Variants in KMO observed in about 807,000 individuals in gnomAD.
KMO encodes kynurenine 3-monooxygenase.
KMO carries 24 observed loss-of-function variants against 57.8 expected under a neutral mutation model. The ratio of observed to expected loss-of-function variants is 0.42; its 90% CI spans 0.30 to 0.58. The LOEUF (loss-of-function observed/expected upper bound fraction) is 0.58. Ranked by LOEUF, KMO falls within the 20% of genes least tolerant of loss-of-function variation. KMO has a pLI of 0.22. For synonymous variants in KMO, 210 were observed against 193.6 expected (o/e 1.08, Z -0.70); for missense variants, 483 against 588.2 (o/e 0.82, Z 1.85).
intron 1 of KMO, among the ~76,000 whole-genome samples, chr1:241,538,632 A>G (rs954369078): frequency 2.0e-5 from 3 of 152,172 alleles, no homozygotes; most frequent in African/African-American, 2.4e-5. Flanking sequence ...CCTGGGTTTC[A>G]GTTTTCTATT....
At chr1:241,568,702 T>G (rs982430657) in intron 10 of KMO, 55 bp downstream of exon 10, 35 of 1,534,614 alleles carry the variant, frequency 2.3e-5, no homozygotes, top group Non-Finnish European at 2.6e-5. Context: ...CAGTCTCAGC[T>G]AACAAGTCTT....
chr1:241,558,504 C>T (rs765307473), intron 5 of KMO, among the ~76,000 whole-genome samples: 133 of 152,122 alleles, frequency 8.7e-4, no homozygotes, highest in Admixed American at 1.6e-3. Flanking sequence ...TTCCCTACGT[C>T]GGCATTTCAT....
Position 241,592,010 on chromosome 1 carries a change from C to A in KMO, c.1318C>A (p.Leu440Ile), listed in dbSNP as rs759601225. 2 of 1,613,994 alleles carry A rather than the reference C, an allele frequency of 1.2e-6. No homozygotes were observed. Among genetic ancestry groups the A allele is most frequent in the Non-Finnish European group, 1.7e-6 (2 of 1,179,912 alleles). ...ACTGATAGCCATCAGCAGTACCTAC[C>A]TACTTATACACTACATGTCACCACG... ...GSLIAISSTY[L>I]LIHYMSPRSF... Residue 440 changes from leucine to isoleucine, a missense_variant, in exon 15 of 15, where the codon CTA becomes ATA. By Grantham distance (5) the Leu-to-Ile change is conservative. Around this residue, in one of 3 missense-constraint regions of KMO, gnomAD observed 410 missense variants for 492.3 expected, o/e 0.83. Coordinates refer to ENST00000366559, the MANE Select transcript of KMO (RefSeq NM_003679.5).
chr1:241,558,477 C>G (rs1359494987), intron 5 of KMO, among the ~76,000 whole-genome samples: 3 of 152,150 alleles, frequency 2.0e-5, no homozygotes, highest in Non-Finnish European at 2.9e-5. Context: ...TCTCTGAAAA[C>G]ATTGTTGCTA....
At chr1:241,541,017 C>T (rs889605582) in intron 1 of KMO, among the ~76,000 whole-genome samples, 2 of 152,160 alleles carry the variant, frequency 1.3e-5, no homozygotes, top group Non-Finnish European at 2.9e-5. Flanking sequence ...ACTATGATCT[C>T]AGCCTTGCAT....
chr1:241,549,811 G>C, intron 3 of KMO, 37 bp downstream of exon 3: 1 of 1,250,166 alleles, frequency 8.0e-7, no homozygotes. Flanking sequence ...GATAATACCT[G>C]GTATTTTTCA....
chr1:241,559,425 C>T (rs536543051), intron 5 of KMO, among the ~76,000 whole-genome samples: 20 of 133,498 alleles, frequency 1.5e-4, no homozygotes, highest in Non-Finnish European at 2.4e-4. Context: ...ATACTATATA[C>T]TTATGTAAAA....
intron 1 of KMO, among the ~76,000 whole-genome samples, chr1:241,548,018 A>G (rs1305293244): frequency 6.6e-6 from 1 of 151,874 alleles, no homozygotes. Flanking sequence ...GATGACCTTA[A>G]GTTTACATGT....
At chr1:241,572,545 T>C (rs1573928777) in intron 10 of KMO, among the ~76,000 whole-genome samples, 1 of 152,066 alleles carries the variant, frequency 6.6e-6, no homozygotes, top group East Asian at 1.9e-4. Flanking sequence ...ATCTTTTGTA[T>C]TATATTTTAG....
chr1:241,553,509 A>G (rs1405608851), intron 4 of KMO, among the ~76,000 whole-genome samples: 1 of 152,170 alleles, frequency 6.6e-6, no homozygotes, highest in Non-Finnish European at 1.5e-5. Context: ...CAACATGGCA[A>G]GACCCTGTTT....
In KMO at chr1:241,575,517, T is replaced by C. The variant is rs556159864; in HGVS notation, c.957+6870T>C. ...TTTGAAATTTCCATCTTGATTTCAT[T>C]GTTAACCCCAAAATCATTCAAGAGA... On this transcript the variant is annotated intron_variant, in intron 10 of 14. Transcript: ENST00000366559. Among the ~76,000 whole-genome samples, 116 of 152,210 alleles carry C rather than the reference T, an allele frequency of 7.6e-4. 1 individual carries two copies. The Middle Eastern group carries it at 0.01, about 13-fold the overall frequency.
At chr1:241,560,374 C>T (rs905056050) in intron 5 of KMO, among the ~76,000 whole-genome samples, 6 of 152,156 alleles carry the variant, frequency 3.9e-5, no homozygotes, top group South Asian at 4.1e-4. Context: ...TGCTTCTTTC[C>T]CAGGGTGCTA....
intron 1 of KMO, among the ~76,000 whole-genome samples, chr1:241,537,475 T>G (rs2147938119): frequency 6.6e-6 from 1 of 152,306 alleles, no homozygotes; most frequent in South Asian, 2.1e-4. Flanking sequence ...TGTTATTATT[T>G]TATCAATGTG....
chr1:241,573,120 G>T (rs529915782), intron 10 of KMO, among the ~76,000 whole-genome samples: 1 of 151,954 alleles, frequency 6.6e-6, no homozygotes, highest in African/African-American at 2.4e-5. Flanking sequence ...GTCTTTTTTG[G>T]TATTGGTATT....
chr1:241,562,894 G>GGAAGGAAGGAAGGAAA (rs1661913908), intron 7 of KMO, among the ~76,000 whole-genome samples: 1 of 84,538 alleles, frequency 1.2e-5, no homozygotes, highest in African/African-American at 4.5e-5. Flanking sequence ...AAGGAAGGAA[G>GGAAGGAAGGAAGGAAA]GAAGGAAGGA....
chr1:241,550,020 G>C (rs111304959), intron 3 of KMO: 9 of 368,144 alleles, frequency 2.4e-5, no homozygotes, highest in Admixed American at 4.6e-5. Context: ...AGGATGGTGC[G>C]TCACTGCCTG....
rs534102884 is a variant in KMO at position 241,560,276 on chromosome 1, T to G, written c.362-389T>G. On this transcript the variant is annotated intron_variant, in intron 5 of 14. Coordinates refer to ENST00000366559, the MANE Select transcript of KMO (RefSeq NM_003679.5). ...CTAGCTAAAAAGAGATATAGAGACATGCGTAATATGAGGAAAGGAGTTTGA... is the reference window on the plus strand; with the variant it reads ...CTAGCTAAAAAGAGATATAGAGACAGGCGTAATATGAGGAAAGGAGTTTGA... 5.3e-5 allele frequency among the ~76,000 whole-genome samples: 8 copies of G among 152,304 alleles called. No individual in the cohort carries two copies. The South Asian group carries it at 1.7e-3, about 32-fold the overall frequency.
chr1:241,591,299 GACC>G (rs1370718859), intron 14 of KMO, among the ~76,000 whole-genome samples: 1 of 151,942 alleles, frequency 6.6e-6, no homozygotes, highest in African/African-American at 2.4e-5. Flanking sequence ...AAATTCTGAT[GACC>G]ACATCTAGAT....
At chr1:241,551,513 TAAAAG>T (rs1040469064) in intron 4 of KMO, among the ~76,000 whole-genome samples, 2 of 152,190 alleles carry the variant, frequency 1.3e-5, no homozygotes, top group Non-Finnish European at 2.9e-5. Context: ...ACATGATTTC[TAAAAG>T]AACAGAGGCC....
Sources: gnomAD v4.1 joint callset for allele counts (sites outside exome capture counted in the v4.1 genomes callset) on GRCh38, gnomAD v4.1.1 for gene constraint, gnomAD v4.1.1 regional missense constraint, MANE v1.5 for transcripts, NCBI Gene and HGNC (gene_info 2026-07-23, HGNC 2026-07-21) for gene names.